Variants in ITSN1 observed in about 807,000 individuals in gnomAD.
ITSN1 encodes intersectin-1.
ITSN1 carries 58 observed loss-of-function variants against 239.8 expected under a neutral mutation model. The ratio of observed to expected loss-of-function variants is 0.24; its 90% CI spans 0.20 to 0.30. ITSN1 has a LOEUF of 0.30. Ranked by LOEUF, ITSN1 falls within the 10% of genes least tolerant of loss-of-function variation. ITSN1 has a pLI of 1.00. For missense variants in ITSN1, 1,558 were observed against 2,103.3 expected, an observed-to-expected ratio of 0.74 and a Z score of 5.07; for synonymous variants, 780 against 770.8, an observed-to-expected ratio of 1.01 and a Z score of -0.20.
At chr21:33,854,205 G>C (rs1001413512) in intron 29 of ITSN1, among the ~76,000 whole-genome samples, 3 of 152,214 alleles carry the variant, frequency 2.0e-5, no homozygotes, top group Non-Finnish European at 4.4e-5. Context: ...CAACTGTGGG[G>C]CATCCTTAAA....
At chr21:33,852,714 G>C (rs946066946) in intron 29 of ITSN1, among the ~76,000 whole-genome samples, 1 of 152,116 alleles carries the variant, frequency 6.6e-6, no homozygotes, top group Non-Finnish European at 1.5e-5. Context: ...GGAGTCATTT[G>C]CAATATTATT....
chr21:33,831,879 C>CT (rs1479296936), intron 27 of ITSN1, among the ~76,000 whole-genome samples: 1 of 152,126 alleles, frequency 6.6e-6, no homozygotes, highest in African/African-American at 2.4e-5. Flanking sequence ...AAATCCACTC[C>CT]TTTTTGTCAG....
rs1319474704 is a variant in ITSN1 at position 33,876,158 on chromosome 21, T to C, written c.4341+637T>C. Among the ~76,000 whole-genome samples, 78 of 141,608 alleles carry C rather than the reference T, an allele frequency of 5.5e-4. 1 individual carries two copies. Among genetic ancestry groups the C allele is most frequent in the African/African-American group, 2.0e-3 (74 of 37,440 alleles). The allele number at this position is 141,608 out of a possible 152,430, so 92.9% of individuals were successfully genotyped here. Reference sequence around the variant, plus strand: ...CTTTCTTTCTTTCTTTCTTTCTCTCTCTCCCTCTTTCTTTCTTTCCTTCCT... The same window carrying C: ...CTTTCTTTCTTTCTTTCTTTCTCTCCCTCCCTCTTTCTTTCTTTCCTTCCT... On this transcript the variant is annotated intron_variant, in intron 34 of 39. Coordinates refer to ENST00000381318, the MANE Select transcript of ITSN1 (RefSeq NM_003024.3).
intron 1 of ITSN1, among the ~76,000 whole-genome samples, chr21:33,715,419 T>A (rs2065077862): frequency 6.6e-6 from 1 of 152,186 alleles, no homozygotes; most frequent in South Asian, 2.1e-4. Flanking sequence ...TGTATTCTCA[T>A]ATATATTAAA....
intron 11 of ITSN1, among the ~76,000 whole-genome samples, chr21:33,769,989 C>T (rs1399863391): frequency 2.0e-5 from 3 of 151,842 alleles, no homozygotes; most frequent in Admixed American, 6.6e-5. Context: ...TGAGCCACTG[C>T]GCTCGGCAGT....
chr21:33,703,989 AC>A (rs2092137946), intron 1 of ITSN1, among the ~76,000 whole-genome samples: 1 of 152,126 alleles, frequency 6.6e-6, no homozygotes, highest in Non-Finnish European at 1.5e-5. Flanking sequence ...AGGGCCAGGG[AC>A]CTCAGAGAGA....
chr21:33,809,668 T>C (rs2072748129), intron 20 of ITSN1, among the ~76,000 whole-genome samples: 1 of 152,230 alleles, frequency 6.6e-6, no homozygotes, highest in South Asian at 2.1e-4. Flanking sequence ...ATGTCTGATT[T>C]CTAAGAAGCA....
At chr21:33,789,491 C>T (rs2070936722) in intron 16 of ITSN1, among the ~76,000 whole-genome samples, 1 of 152,040 alleles carries the variant, frequency 6.6e-6, no homozygotes, top group Non-Finnish European at 1.5e-5. Flanking sequence ...CATCCTGAGG[C>T]GAACCAAAAG....
chr21:33,729,467 A>C (rs1004114086), intron 4 of ITSN1, among the ~76,000 whole-genome samples: 2 of 152,098 alleles, frequency 1.3e-5, no homozygotes, highest in African/African-American at 4.8e-5. Flanking sequence ...AACAAATAAA[A>C]AAAAAAAAAA....
At chr21:33,776,421 C>A in intron 14 of ITSN1, among the ~76,000 whole-genome samples, 1 of 149,484 alleles carries the variant, frequency 6.7e-6, no homozygotes, top group Admixed American at 6.7e-5. Flanking sequence ...AATTAGCTGG[C>A]ATGGGGGCGT....
At chr21:33,772,764 TTGA>T (rs2069265840) in intron 12 of ITSN1, among the ~76,000 whole-genome samples, 1 of 152,186 alleles carries the variant, frequency 6.6e-6, no homozygotes, top group African/African-American at 2.4e-5. Context: ...CATTCAGCAG[TTGA>T]TGGTCATTGT....
chr21:33,668,321 G>T (rs2090052194), intron 1 of ITSN1, among the ~76,000 whole-genome samples: 1 of 152,166 alleles, frequency 6.6e-6, no homozygotes, highest in Non-Finnish European at 1.5e-5. Context: ...TCCCTAAGAG[G>T]GTCACATCAC....
chr21:33,687,387 G>C (rs1372691519), intron 1 of ITSN1, among the ~76,000 whole-genome samples: 1 of 81,886 alleles, frequency 1.2e-5, no homozygotes, highest in Non-Finnish European at 2.1e-5. Context: ...AACAAGAGCA[G>C]AACTCCATCT....
chr21:33,771,087 T>G (rs115938965), intron 11 of ITSN1, among the ~76,000 whole-genome samples: 5 of 152,116 alleles, frequency 3.3e-5, no homozygotes, highest in Non-Finnish European at 7.4e-5. Flanking sequence ...TTTTAAGATA[T>G]CAGAGTAGAG....
intron 8 of ITSN1, among the ~76,000 whole-genome samples, chr21:33,759,651 G>A (rs1403360008): frequency 2.0e-5 from 3 of 152,160 alleles, no homozygotes; most frequent in Non-Finnish European, 2.9e-5. Flanking sequence ...CATGAATTCA[G>A]TAGATTGTTT....
rs998006014 is a variant in ITSN1, at chr21:33,894,315, A to G, written c.*6015A>G. 4 of 152,180 alleles carry G rather than the reference A, an allele frequency of 2.6e-5. No individual in the cohort carries two copies. Among genetic ancestry groups the G allele is most frequent in the Non-Finnish European group, 5.9e-5 (4 of 68,026 alleles). The allele number at this position is 152,180 out of a possible 1,614,324, so 9.4% of individuals were successfully genotyped here. A position where few individuals can be genotyped will look rare whatever the true frequency, so the allele number is the denominator to read the frequency against. On this transcript the variant is annotated 3_prime_UTR_variant, in exon 40 of 40. Transcript: ENST00000381318. ...TCTTTACCCTGGCCCTGGGGGAGCC[A>G]TATTACACCCACATCATAATTTTTC...
chr21:33,873,519 A>G (rs1983101036), intron 33 of ITSN1, among the ~76,000 whole-genome samples: 1 of 152,148 alleles, frequency 6.6e-6, no homozygotes, highest in Non-Finnish European at 1.5e-5. Context: ...TTCTCCACAC[A>G]CCATATAAAG....
At chr21:33,841,895 C>G (rs1166696630) in intron 29 of ITSN1, among the ~76,000 whole-genome samples, 5 of 150,812 alleles carry the variant, frequency 3.3e-5, no homozygotes, top group Admixed American at 3.3e-4. Flanking sequence ...TCACAGTAGC[C>G]TTAATGTGAA....
chr21:33,872,541 C>CT (rs1348256648), intron 33 of ITSN1, among the ~76,000 whole-genome samples: 2 of 151,572 alleles, frequency 1.3e-5, no homozygotes, highest in African/African-American at 2.4e-5. Context: ...TTTTTATTTA[C>CT]TTTTTTTTGA....
Sources: gnomAD v4.1 joint callset for allele counts (sites outside exome capture counted in the v4.1 genomes callset) on GRCh38, gnomAD v4.1.1 for gene constraint, MANE v1.5 for transcripts, NCBI Gene and HGNC (gene_info 2026-07-23, HGNC 2026-07-21) for gene names.